AHI1: variants seen among roughly 807,000 people sequenced by gnomAD.
AHI1 encodes jouberin.
Under a neutral mutation model 149.3 loss-of-function variants are expected in AHI1, and 123 were observed. The ratio of observed to expected loss-of-function variants is 0.82; its 90% CI spans 0.71 to 0.96. The LOEUF is 0.96. AHI1 is among the 40% of genes least tolerant of loss of function. The probability of loss-of-function intolerance (pLI) is 0.00; values close to 1 mark genes in which losing one functional copy is unlikely to be tolerated. For missense variants in AHI1, 1,439 were observed against 1,422.7 expected (o/e 1.01, Z -0.18); for synonymous variants, 475 against 459.8 (o/e 1.03, Z -0.42).
chr6:135,432,317 A>G (rs1784779853), intron 16 of AHI1, among the ~76,000 whole-genome samples: 1 of 152,184 alleles, frequency 6.6e-6, no homozygotes, highest in Non-Finnish European at 1.5e-5. Context: ...CTTTCAGATA[A>G]TAAAATGATT....
chr6:135,330,600 G>T (rs1788419827), intron 24 of AHI1, among the ~76,000 whole-genome samples: 1 of 152,126 alleles, frequency 6.6e-6, no homozygotes, highest in African/African-American at 2.4e-5. Context: ...CAGTGGTCTG[G>T]AACCAAACCG....
intron 11 of AHI1, among the ~76,000 whole-genome samples, chr6:135,452,179 C>T (rs1044288586): frequency 6.6e-6 from 1 of 152,156 alleles, no homozygotes; most frequent in Non-Finnish European, 1.5e-5. Context: ...TCTAATTTAT[C>T]TATGAATGTA....
intron 5 of AHI1, among the ~76,000 whole-genome samples, chr6:135,476,413 C>G (rs1411739806): frequency 6.6e-6 from 1 of 151,600 alleles, no homozygotes; most frequent in Non-Finnish European, 1.5e-5. Flanking sequence ...AGAATGATGT[C>G]TGTCTCGGTG....
At chr6:135,497,331 G>C (rs1234142527) in intron 1 of AHI1, 82 bp from the exon 2 acceptor site, 2 of 152,266 alleles carry the variant, frequency 1.3e-5, no homozygotes, top group Non-Finnish European at 2.9e-5. Flanking sequence ...GGCAAAGATT[G>C]AATTCTCTAT....
intron 27 of AHI1, among the ~76,000 whole-genome samples, chr6:135,292,298 T>G (rs1562442425): frequency 1.3e-5 from 2 of 152,188 alleles, no homozygotes; most frequent in Non-Finnish European, 2.9e-5. Context: ...ATCTTTGGCT[T>G]TCTCTGACCA....
intron 5 of AHI1, among the ~76,000 whole-genome samples, chr6:135,483,819 T>A (rs1465160571): frequency 6.6e-5 from 10 of 152,204 alleles, no homozygotes; most frequent in Admixed American, 6.5e-4. Flanking sequence ...TTCCTATCCA[T>A]ACACTTGTCT....
intron 5 of AHI1, among the ~76,000 whole-genome samples, chr6:135,474,885 T>C (rs1792342299): frequency 6.6e-6 from 1 of 152,344 alleles, no homozygotes; most frequent in Middle Eastern, 3.4e-3. Flanking sequence ...CTTGCAATCT[T>C]TGTCTGGCTT....
At chr6:135,292,928 G>A (rs1025257952) in intron 27 of AHI1, among the ~76,000 whole-genome samples, 5 of 152,074 alleles carry the variant, frequency 3.3e-5, no homozygotes, top group African/African-American at 1.2e-4. Context: ...ATCAAAATCA[G>A]CTTAAGATGT....
chr6:135,380,803 T>C (rs1776659971), intron 23 of AHI1, among the ~76,000 whole-genome samples: 1 of 139,490 alleles, frequency 7.2e-6, no homozygotes, highest in African/African-American at 2.6e-5. Flanking sequence ...CATTTTTTGG[T>C]CCATTACATT....
At chr6:135,388,006 C>T (rs964574900) in intron 23 of AHI1, 1 of 1,613,700 alleles carries the variant, frequency 6.2e-7, no homozygotes, top group Non-Finnish European at 8.5e-7. Context: ...CCATAATATA[C>T]ATGTGTTGAA....
At chr6:135,429,691 A>G (rs1298118937) in intron 18 of AHI1, among the ~76,000 whole-genome samples, 191 bp downstream of exon 18, 1 of 151,580 alleles carries the variant, frequency 6.6e-6, no homozygotes, top group African/African-American at 2.4e-5. Context: ...ATGCTTAGCA[A>G]TATTTTTTAT....
intron 23 of AHI1, among the ~76,000 whole-genome samples, chr6:135,375,131 C>T (rs2128460912): frequency 6.6e-6 from 1 of 151,986 alleles, no homozygotes; most frequent in African/African-American, 2.4e-5. Context: ...TTGGAACATC[C>T]CATGTTGTGT....
chr6:135,405,693 C>G (rs1780666992), intron 21 of AHI1, among the ~76,000 whole-genome samples: 1 of 151,728 alleles, frequency 6.6e-6, no homozygotes, highest in Non-Finnish European at 1.5e-5. Flanking sequence ...AACCCCATCT[C>G]TACTAAAAAT....
At position 135,453,381 on chromosome 6, in the gene AHI1, TGGTTTTGAACC is replaced by T; in HGVS notation, c.1389_1399del (p.Val464ArgfsTer13). 1 of 1,562,518 alleles carries T rather than the reference TGGTTTTGAACC, an allele frequency of 6.4e-7. No homozygotes were observed. The highest frequency in any genetic ancestry group is 8.7e-7 in the Non-Finnish European group (1 of 1,152,008). ...GGCAATTTTCCGAAAGCCACATTCT[TGGTTTTGAACC>T]TCAGAATTATTCTTAATTTCATCCA... On this transcript the variant is annotated frameshift_variant, in exon 11 of 29. Coordinates refer to ENST00000265602, the MANE Select transcript of AHI1 (RefSeq NM_001134831.2). LOFTEE classifies it high-confidence loss of function.
intron 27 of AHI1, among the ~76,000 whole-genome samples, chr6:135,297,860 C>T (rs1783332268): frequency 6.6e-6 from 1 of 151,990 alleles, no homozygotes; most frequent in Non-Finnish European, 1.5e-5. Flanking sequence ...AAAAAATATA[C>T]AGTGGAGTGA....
chr6:135,400,808 CT>C (rs1296525639), intron 22 of AHI1, among the ~76,000 whole-genome samples: 1 of 152,182 alleles, frequency 6.6e-6, no homozygotes, highest in African/African-American at 2.4e-5. Context: ...GACTATCCCC[CT>C]ACATGCATCT....
intron 20 of AHI1, among the ~76,000 whole-genome samples, chr6:135,414,229 A>G (rs1782018057): frequency 6.6e-6 from 1 of 152,190 alleles, no homozygotes; most frequent in Non-Finnish European, 1.5e-5. Context: ...ATGGTGTTAG[A>G]ATAGTTGGAT....
Position 135,466,087 on chromosome 6 carries a change from G to A in AHI1, c.476C>T (p.Thr159Ile). The A allele has an allele frequency of 1.2e-6, 2 of 1,613,886 alleles. No homozygotes were observed. The highest frequency in any genetic ancestry group is 1.7e-6 in the Non-Finnish European group (2 of 1,179,848). The part of the protein sequence containing the change: ...KVDSTHQKTH[T>I]KPQPGVDHQK... ...ATGATCAACGCCTGGCTGTGGCTTTGTATGTGTTTTCTGGTGTGTAGAATC... is the reference window on the plus strand; with the variant it reads ...ATGATCAACGCCTGGCTGTGGCTTTATATGTGTTTTCTGGTGTGTAGAATC... The change falls in exon 7 of 29, where the codon ACA (threonine) becomes ATA (isoleucine). Residue 159 changes from threonine to isoleucine, a missense_variant. Thr to Ile is a moderately conservative substitution (Grantham distance 89, BLOSUM62 -1). Transcript: ENST00000265602.
chr6:135,335,566 T>C (rs1045546042), intron 24 of AHI1, among the ~76,000 whole-genome samples: 4 of 152,172 alleles, frequency 2.6e-5, no homozygotes, highest in African/African-American at 9.6e-5. Flanking sequence ...CTCTTCTGTT[T>C]TTCTACTTTT....
Sources: allele counts gnomAD v4.1 joint callset (sites outside exome capture counted in the v4.1 genomes callset), GRCh38; gene constraint gnomAD v4.1.1; transcripts MANE v1.5; gene names NCBI Gene and HGNC (gene_info 2026-07-23, HGNC 2026-07-21).